PHLPP1: variants seen among roughly 807,000 people sequenced by gnomAD.
PHLPP1 encodes PH domain and leucine rich repeat protein phosphatase 1, also known as PH domain leucine-rich repeat-containing protein phosphatase 1.
Under a neutral mutation model 117.2 loss-of-function variants are expected in PHLPP1, and 42 were observed. The observed-to-expected ratio is 0.36, with a 90% CI of 0.28 to 0.46. The LOEUF is 0.46. PHLPP1 is among the 20% of genes least tolerant of loss of function. The pLI, the probability that PHLPP1 is intolerant of heterozygous loss-of-function variation, is 1.00. For missense variants in PHLPP1, 2,084 were observed against 2,241.9 expected (o/e 0.93, Z 1.42); for synonymous variants, 1,042 against 970.7 (o/e 1.07, Z -1.37).
At chr18:62,977,043 G>C (rs2144494570) in intron 16 of PHLPP1, among the ~76,000 whole-genome samples, 1 of 152,318 alleles carries the variant, frequency 6.6e-6, no homozygotes, top group Admixed American at 6.5e-5. Flanking sequence ...AGCAAGAACA[G>C]TTTCTGCCAA....
rs370837046 is a variant in PHLPP1 at position 62,794,651 on chromosome 18, A to G, written c.1577-35384A>G. Among the ~76,000 whole-genome samples, 4 of 152,226 alleles carry G rather than the reference A, an allele frequency of 2.6e-5. No individual in the cohort carries two copies. The South Asian group carries it at 6.2e-4, about 24-fold the overall frequency. ...TGGCTTCCCAAAGTGATGGGATTAC[A>G]GGCATGAGCTATGGTGACTTGCTTA... On this transcript the variant is annotated intron_variant, in intron 1 of 16. Coordinates refer to ENST00000262719, the MANE Select transcript of PHLPP1 (RefSeq NM_194449.4).
rs531774096 is a variant in PHLPP1 at position 62,743,298 on chromosome 18, T to A, written c.1576+26039T>A. ...AGGAAAAACTTAAAAACAGCTTTTT[T>A]TTTTTTAGAATTTTTTTTTATTACG... On this transcript the variant is annotated intron_variant, in intron 1 of 16. Transcript: ENST00000262719. Among the ~76,000 whole-genome samples, 6 of 152,296 alleles carry A rather than the reference T, an allele frequency of 3.9e-5. No individual in the cohort carries two copies. In the South Asian group the frequency reaches 1.2e-3, roughly 32 times the overall value.
At chr18:62,941,575 A>T (rs764973603) in intron 10 of PHLPP1, 143 bp from the exon 11 acceptor site, 14 of 621,544 alleles carry the variant, frequency 2.3e-5, no homozygotes, top group Non-Finnish European at 3.7e-5. Context: ...ATACTTGCTA[A>T]TTGAACTCCT....
At chr18:62,834,063 A>G (rs1914825905) in intron 2 of PHLPP1, among the ~76,000 whole-genome samples, 1 of 152,128 alleles carries the variant, frequency 6.6e-6, no homozygotes, top group Non-Finnish European at 1.5e-5. Flanking sequence ...ACTTGTCATA[A>G]CAGTTATTTC....
chr18:62,816,655 AT>A (rs1914284622), intron 1 of PHLPP1, among the ~76,000 whole-genome samples: 1 of 152,172 alleles, frequency 6.6e-6, no homozygotes, highest in Admixed American at 6.5e-5. Context: ...GTCTTTTGAA[AT>A]CTTTGCCAAT....
chr18:62,853,315 T>C lies in PHLPP1; in HGVS notation c.1900-7120T>C, dbSNP rs192549893. Reference sequence around the variant, plus strand: ...TCGTGGTAGAAAAGTCCCATTTAATTTACTAACTCAATTAGCCTTAATTTT... The same window carrying C: ...TCGTGGTAGAAAAGTCCCATTTAATCTACTAACTCAATTAGCCTTAATTTT... On this transcript the variant is annotated intron_variant, in intron 3 of 16. Transcript: ENST00000262719. 2.6e-3 allele frequency among the ~76,000 whole-genome samples: 395 copies of C among 152,260 alleles called. 2 individuals carry two copies. The highest frequency in any genetic ancestry group is 9.2e-3 in the African/African-American group (384 of 41,544).
At chr18:62,778,585 T>C (rs893130475) in intron 1 of PHLPP1, among the ~76,000 whole-genome samples, 2 of 152,212 alleles carry the variant, frequency 1.3e-5, no homozygotes, top group African/African-American at 4.8e-5. Flanking sequence ...GTTGTTTTGC[T>C]CAGAGACATA....
At chr18:62,952,725 C>G (rs1910499471) in intron 12 of PHLPP1, among the ~76,000 whole-genome samples, 1 of 152,150 alleles carries the variant, frequency 6.6e-6, no homozygotes, top group African/African-American at 2.4e-5. Context: ...TTCCTTGGCT[C>G]ACAGGAAGCT....
chr18:62,833,510 T>C (rs1009303220), intron 2 of PHLPP1, among the ~76,000 whole-genome samples: 5 of 152,242 alleles, frequency 3.3e-5, no homozygotes, highest in Non-Finnish European at 7.3e-5. Flanking sequence ...TCTTTACATA[T>C]ATCTCATTGC....
At position 62,715,739 on chromosome 18, in the gene PHLPP1, A is replaced by G; in HGVS notation, c.56A>G (p.Asp19Gly). The change falls in exon 1 of 17, where the codon GAC (aspartate) becomes GGC (glycine). Residue 19 changes from aspartate (D) to glycine (G), a missense_variant. Around this residue, in one of 2 missense-constraint regions of PHLPP1, gnomAD observed 719 missense variants for 636.0 expected, o/e 1.13. Transcript: ENST00000262719. ...CGACTCCCCGAGCTCGGCAGGGAGG[A>G]CCGAGCTTCGGCTCCGGCGGCCGCC... ...VQRLPELGRE[D>G]RASAPAAAAA... 1.7e-6 allele frequency: 2 copies of G among 1,196,758 alleles called. No homozygotes were observed. Among genetic ancestry groups the G allele is most frequent in the Middle Eastern group, 3.2e-4 (1 of 3,106 alleles). The allele number at this position is 1,196,758 out of a possible 1,614,324, so 74.1% of individuals were successfully genotyped here. A position where few individuals can be genotyped will look rare whatever the true frequency, so the allele number is the denominator to read the frequency against.
chr18:62,923,958 C>T (rs1351539566), intron 10 of PHLPP1, among the ~76,000 whole-genome samples: 1 of 152,202 alleles, frequency 6.6e-6, no homozygotes, highest in East Asian at 1.9e-4. Flanking sequence ...GAGTTTAAAT[C>T]ACTGTGCTGG....
intron 6 of PHLPP1, among the ~76,000 whole-genome samples, chr18:62,896,637 T>G (rs1165174502): frequency 2.0e-5 from 3 of 152,146 alleles, no homozygotes; most frequent in African/African-American, 7.2e-5. Flanking sequence ...CCTTGCTCTC[T>G]TGCCCGGCCT....
intron 4 of PHLPP1, among the ~76,000 whole-genome samples, chr18:62,882,732 T>C (rs1340049655): frequency 6.6e-6 from 1 of 152,134 alleles, no homozygotes; most frequent in African/African-American, 2.4e-5. Context: ...AACATGTGCT[T>C]GGTTTTATAA....
intron 1 of PHLPP1, among the ~76,000 whole-genome samples, chr18:62,820,058 T>C (rs1300768495): frequency 1.3e-5 from 2 of 152,208 alleles, no homozygotes; most frequent in Non-Finnish European, 1.5e-5. Flanking sequence ...ATATTTGTAT[T>C]GACAAAGTAG....
At chr18:62,721,681 G>A (rs897992849) in intron 1 of PHLPP1, among the ~76,000 whole-genome samples, 2 of 151,944 alleles carry the variant, frequency 1.3e-5, no homozygotes, top group African/African-American at 2.4e-5. Context: ...TCCTAAATTC[G>A]TGTGTCTTTT....
intron 1 of PHLPP1, among the ~76,000 whole-genome samples, chr18:62,775,336 G>A (rs995895632): frequency 1.3e-5 from 2 of 152,134 alleles, no homozygotes; most frequent in East Asian, 1.9e-4. Flanking sequence ...ATGACCTCAG[G>A]TGATCCACCC....
At chr18:62,786,233 A>C (rs1913279818) in intron 1 of PHLPP1, among the ~76,000 whole-genome samples, 2 of 152,216 alleles carry the variant, frequency 1.3e-5, no homozygotes, top group Admixed American at 1.3e-4. Flanking sequence ...TTAAAAGATA[A>C]ACATCTTTAT....
intron 3 of PHLPP1, among the ~76,000 whole-genome samples, chr18:62,847,798 G>A (rs1015703187): frequency 3.9e-5 from 6 of 152,184 alleles, no homozygotes; most frequent in African/African-American, 1.2e-4. Flanking sequence ...ACCCATGTCC[G>A]TAGGCATTTC....
At chr18:62,931,839 G>C (rs1349948943) in intron 10 of PHLPP1, among the ~76,000 whole-genome samples, 1 of 141,806 alleles carries the variant, frequency 7.1e-6, no homozygotes, top group African/African-American at 2.6e-5. Context: ...AGGTTACAGT[G>C]AGCCGAGATG....
Sources: gnomAD v4.1 joint callset for allele counts (sites outside exome capture counted in the v4.1 genomes callset) on GRCh38, gnomAD v4.1.1 for gene constraint, gnomAD v4.1.1 regional missense constraint, MANE v1.5 for transcripts, NCBI Gene and HGNC (gene_info 2026-07-23, HGNC 2026-07-21) for gene names.